The following HIVEP3 variants were observed in gnomAD, a reference collection of about 807,000 sequenced individuals.
HIVEP3 encodes the protein HIVEP zinc finger 3.
A neutral mutation model predicts 152.8 loss-of-function variants in HIVEP3; 49 were observed. That is an observed-to-expected ratio of 0.32 (90% confidence interval 0.26 to 0.41). The LOEUF is 0.41. HIVEP3 is among the 10% of genes least tolerant of loss of function. The pLI is 1.00. For missense variants in HIVEP3, 2,790 were observed against 3,103.3 expected, an observed-to-expected ratio of 0.90 and a Z score of 2.40; for synonymous variants, 1,269 against 1,289.0, an observed-to-expected ratio of 0.98 and a Z score of 0.33.
At chr1:41,882,713 C>G (rs1417701891) in intron 1 of HIVEP3, among the ~76,000 whole-genome samples, 1 of 152,092 alleles carries the variant, frequency 6.6e-6, no homozygotes, top group Non-Finnish European at 1.5e-5. Context: ...ACATAACAAG[C>G]ACTCAATCAA....
chr1:41,912,748 G>A (rs1644816511), intron 1 of HIVEP3, among the ~76,000 whole-genome samples: 1 of 152,148 alleles, frequency 6.6e-6, no homozygotes, highest in Non-Finnish European at 1.5e-5. Context: ...TTCTTTACCA[G>A]ACGCTTCAGC....
chr1:41,525,056 G>C, intron 5 of HIVEP3, 146 bp from the exon 6 acceptor site: 1 of 755,510 alleles, frequency 1.3e-6, no homozygotes, highest in Non-Finnish European at 2.1e-6. Flanking sequence ...GACCACGAGA[G>C]TGGGAGGAAC....
At chr1:41,571,978 CACTG>C (rs1383293422) in intron 5 of HIVEP3, among the ~76,000 whole-genome samples, 4 of 152,160 alleles carry the variant, frequency 2.6e-5, no homozygotes, top group Admixed American at 2.6e-4. Context: ...CACACTGAGT[CACTG>C]ACTACTTCAT....
At chr1:41,603,591 C>T (rs1644776875) in intron 3 of HIVEP3, among the ~76,000 whole-genome samples, 1 of 152,114 alleles carries the variant, frequency 6.6e-6, no homozygotes, top group African/African-American at 2.4e-5. Flanking sequence ...AACTCCTGAC[C>T]TCAAGTGATC....
At chr1:41,674,716 C>G (rs1352109375) in intron 2 of HIVEP3, among the ~76,000 whole-genome samples, 1 of 152,214 alleles carries the variant, frequency 6.6e-6, no homozygotes, top group Non-Finnish European at 1.5e-5. Flanking sequence ...GAGATCACAT[C>G]CAGCCGCCTT....
intron 1 of HIVEP3, among the ~76,000 whole-genome samples, chr1:41,745,183 T>TC (rs1647053520): frequency 6.6e-6 from 1 of 152,164 alleles, no homozygotes; most frequent in Admixed American, 6.5e-5. Flanking sequence ...TCAAGACATT[T>TC]CCCCTTTCTC....
In HIVEP3 at chr1:41,583,998, C is replaced by T. The variant is rs951825410; in HGVS notation, c.800G>A (p.Arg267Gln). 9 of 1,614,160 alleles carry T rather than the reference C, an allele frequency of 5.6e-6. No individual in the cohort carries two copies. The highest frequency in any genetic ancestry group is 1.6e-4 in the Middle Eastern group (1 of 6,062). Residue 267 changes from arginine (R) to glutamine (Q), a missense_variant, in exon 4 of 9, where the codon CGG (arginine) becomes CAG (glutamine). Physicochemically the swap from Arg to Gln is conservative, Grantham distance 43. Transcript: ENST00000372583. This position sits in a 1 kb window ranked among gnomAD's most constrained non-coding sequence, Gnocchi z 6.9. ...CTCCTCAAACTCTTCCCCAGGGATC[C>T]GCTCCATCTCCAGCCCATGTGGGTA... ...EMYPHGLEME[R>Q]IPGEEFEEPT...
In HIVEP3 at chr1:41,582,143, T is replaced by C. The variant is rs978181452; in HGVS notation, c.2655A>G (p.Gln885=). ...CAAGTGTCTGGCTGCGCTGGGGCCA[T>C]TGGAACTCCTCAGTCTTCTCAGGTT... ...PKEPEKTEEF[Q]WPQRSQTLAQ... Residue 885 remains glutamine (Q), a synonymous_variant, in exon 4 of 9, where the codon CAA becomes CAG. Transcript: ENST00000372583. This position sits in a 1 kb window ranked among gnomAD's most constrained non-coding sequence, Gnocchi z 4.7. 4 of 1,614,060 alleles carry C rather than the reference T, an allele frequency of 2.5e-6. No individual in the cohort carries two copies. Among genetic ancestry groups the C allele is most frequent in the African/African-American group, 1.3e-5 (1 of 75,032 alleles).
intron 2 of HIVEP3, among the ~76,000 whole-genome samples, chr1:41,677,589 G>A (rs1645976140): frequency 1.3e-5 from 2 of 152,238 alleles, no homozygotes; most frequent in South Asian, 2.1e-4. Context: ...TGTTAGTTGA[G>A]CCTGTGAAGT....
intron 1 of HIVEP3, among the ~76,000 whole-genome samples, chr1:41,729,324 G>A (rs1646804063): frequency 1.3e-5 from 2 of 152,206 alleles, no homozygotes; most frequent in Admixed American, 6.5e-5. Context: ...CCCTGGCTCT[G>A]TGACTTGAGG....
Position 41,510,780 on chromosome 1 carries a change from C to T in HIVEP3, c.6892G>A (p.Ala2298Thr), listed in dbSNP as rs572784663. Residue 2298 changes from alanine to threonine, a missense_variant, in exon 9 of 9, where the codon GCA becomes ACA. Ala to Thr is a moderately conservative substitution (Grantham distance 58). Coordinates refer to ENST00000372583, the MANE Select transcript of HIVEP3 (RefSeq NM_024503.5). ...PPDWTPHGTG[A>T]PAEPTPTHSP... ...TGCGTGGGTGTGGGCTCTGCAGGTGCCCCGGTCCCATGGGGTGTCCAGTCA... is the reference window on the plus strand; with the variant it reads ...TGCGTGGGTGTGGGCTCTGCAGGTGTCCCGGTCCCATGGGGTGTCCAGTCA... 2.6e-5 allele frequency: 41 copies of T among 1,605,812 alleles called. No individual in the cohort carries two copies. The South Asian group carries it at 4.1e-4, about 16-fold the overall frequency.
At chr1:41,878,875 TC>T (rs1644216164) in intron 1 of HIVEP3, among the ~76,000 whole-genome samples, 1 of 63,348 alleles carries the variant, frequency 1.6e-5, no homozygotes, top group Admixed American at 2.0e-4. Context: ...CCTCCCTCCC[TC>T]CCCTCCTTCC....
At chr1:41,693,654 G>A (rs879627023) in intron 2 of HIVEP3, among the ~76,000 whole-genome samples, 1 of 152,148 alleles carries the variant, frequency 6.6e-6, no homozygotes, top group East Asian at 1.9e-4. Context: ...TGCCCATAGG[G>A]TTTTTAATTG....
intron 2 of HIVEP3, among the ~76,000 whole-genome samples, chr1:41,672,255 A>G (rs1482513633): frequency 6.6e-6 from 1 of 151,650 alleles, no homozygotes; most frequent in African/African-American, 2.4e-5. Context: ...CACTGTGGAT[A>G]CTCACTCCCC....
At chr1:41,685,055 G>C (rs778004510) in intron 2 of HIVEP3, among the ~76,000 whole-genome samples, 52 of 152,150 alleles carry the variant, frequency 3.4e-4, no homozygotes, top group Non-Finnish European at 5.6e-4. Flanking sequence ...TCCTGGCTCT[G>C]ACACTTCTCA....
chr1:41,914,397 G>T (rs556807071), intron 1 of HIVEP3, among the ~76,000 whole-genome samples: 5 of 152,284 alleles, frequency 3.3e-5, no homozygotes, highest in South Asian at 2.1e-4. Flanking sequence ...TTTAGTTAAA[G>T]AATTTTTTCA....
intron 1 of HIVEP3, among the ~76,000 whole-genome samples, chr1:41,891,681 C>G (rs1471128608): frequency 6.6e-6 from 1 of 152,208 alleles, no homozygotes; most frequent in East Asian, 1.9e-4. Context: ...CCCAGAAGTC[C>G]TTGGTAACTC....
In HIVEP3 at chr1:41,662,396, G is replaced by C. The variant is rs1645730757; in HGVS notation, c.-720-33449C>G. Reference sequence around the variant, plus strand: ...GCGGCCGCTTGGAAGCTCCTTATTTGGGCAGTGATGTCAGGGGAAGTCGCA... The same window carrying C: ...GCGGCCGCTTGGAAGCTCCTTATTTCGGCAGTGATGTCAGGGGAAGTCGCA... On this transcript the variant is annotated intron_variant, in intron 2 of 8. Coordinates refer to ENST00000372583, the MANE Select transcript of HIVEP3 (RefSeq NM_024503.5). This position sits in a 1 kb window ranked among gnomAD's most constrained non-coding sequence, Gnocchi z 7.2. 6.7e-6 allele frequency: 1 copy of C among 149,660 alleles called. No individual in the cohort carries two copies. The highest frequency in any genetic ancestry group is 1.5e-5 in the Non-Finnish European group (1 of 67,360). 9.3% of individuals were successfully genotyped at this position (149,660 alleles called of 1,614,324 possible). A position where few individuals can be genotyped will look rare whatever the true frequency, so the allele number is the denominator to read the frequency against.
chr1:41,825,535 T>C (rs531610820), intron 1 of HIVEP3, among the ~76,000 whole-genome samples: 1 of 151,958 alleles, frequency 6.6e-6, no homozygotes, highest in Admixed American at 6.6e-5. Flanking sequence ...CCTCCCAAAG[T>C]GTTAGGATTA....
Sources: allele counts gnomAD v4.1 joint callset (sites outside exome capture counted in the v4.1 genomes callset), GRCh38; gene constraint gnomAD v4.1.1; non-coding constraint Gnocchi (gnomAD v3.1); transcripts MANE v1.5; gene names NCBI Gene and HGNC (gene_info 2026-07-23, HGNC 2026-07-21).